DENND2D: variants seen among roughly 807,000 people sequenced by gnomAD.
The protein encoded by DENND2D is DENN domain-containing protein 2D.
A neutral mutation model predicts 59.8 loss-of-function variants in DENND2D; 37 were observed. That is an observed-to-expected ratio of 0.62 (90% CI 0.48 to 0.81). The LOEUF (loss-of-function observed/expected upper bound fraction) is 0.81, where lower values mean the gene tolerates loss of function less well. Among genes scored for constraint, DENND2D ranks in the 40% least tolerant of loss-of-function variants. DENND2D has a pLI of 0.00. For synonymous variants in DENND2D, 219 were observed against 211.3 expected, an observed-to-expected ratio of 1.04 and a Z score of -0.31; for missense variants, 525 against 579.7, an observed-to-expected ratio of 0.91 and a Z score of 0.97.
At chr1:111,197,879 C>T in intron 4 of DENND2D, 41 bp downstream of exon 4, 1 of 1,612,518 alleles carries the variant, frequency 6.2e-7, no homozygotes, top group Non-Finnish European at 8.5e-7. Context: ...TGGAGCTGAG[C>T]AGACTGCAGA....
Position 111,197,241 on chromosome 1 carries a change from C to G in DENND2D, c.439G>C (p.Gly147Arg), listed in dbSNP as rs778092406. 1.4e-5 allele frequency: 22 copies of G among 1,612,994 alleles called. No individual in the cohort carries two copies. The highest frequency in any genetic ancestry group is 2.7e-5 in the African/African-American group (2 of 74,890). ...YCRRLLPAGP[G>R]PRLPKVYCII... The stretch of plus-strand genomic sequence containing the variant: ...CAGTACACTTTGGGAAGGCGAGGGC[C>G]AGGGCCGGCAGGCTGGGGAGGGACA... The change falls in exon 5 of 12, where the codon GGC becomes CGC. Residue 147 changes from glycine (G) to arginine (R), a missense_variant. Physicochemically the swap from Gly to Arg is moderately radical, Grantham distance 125. Transcript: ENST00000357640.
intron 9 of DENND2D, 116 bp downstream of exon 9, chr1:111,189,096 A>T: frequency 8.1e-7 from 1 of 1,238,774 alleles, no homozygotes; most frequent in Admixed American, 1.9e-5. Flanking sequence ...TCTTTTTAGC[A>T]CAGATTCTCA....
At chr1:111,203,174 T>C (rs547180983), upstream of DENND2D, among the ~76,000 whole-genome samples, 4 of 152,304 alleles carry the variant, frequency 2.6e-5, no homozygotes, top group South Asian at 8.3e-4. Flanking sequence ...TGGAGATCTG[T>C]GTCTAGAGAG....
chr1:111,200,111 G>C (rs542422407), intron 1 of DENND2D: 31 of 558,668 alleles, frequency 5.5e-5, no homozygotes, highest in Non-Finnish European at 8.8e-5. Flanking sequence ...CTAACCTGTC[G>C]GGTGCTTCTG....
chr1:111,188,183 C>G lies in DENND2D; in HGVS notation c.1287G>C (p.Gln429His), dbSNP rs2101438799. Residue 429 changes from glutamine (Q) to histidine (H), a missense_variant, in exon 11 of 12, where the codon CAG (glutamine) becomes CAC (histidine). Gln to His is a conservative substitution (Grantham distance 24). This residue lies in a region of DENND2D where 225 missense variants were observed against 252.4 expected (regional missense o/e 0.89). Coordinates refer to ENST00000357640, the MANE Select transcript of DENND2D (RefSeq NM_024901.5). ...CTTCCTGGATGAAAAGTGAGAAGAG[C>G]TGTGTCTTCACAAACTTCTTCACAA... ...RRFVKKFVKTQLFSLFIQEAE... is the reference protein window; with the variant it reads ...RRFVKKFVKTHLFSLFIQEAE... The G allele has an allele frequency of 6.2e-7, 1 of 1,614,152 alleles. No homozygotes were observed. Among genetic ancestry groups the G allele is most frequent in the Non-Finnish European group, 8.5e-7 (1 of 1,180,022 alleles).
chr1:111,197,665 G>A (rs1423732196), intron 4 of DENND2D: 23 of 1,384,686 alleles, frequency 1.7e-5, no homozygotes, highest in African/African-American at 2.9e-5. Context: ...AGCAGGCAGG[G>A]AGAGGAGTTA....
chr1:111,196,056 T>A lies in DENND2D; in HGVS notation c.505A>T (p.Ile169Phe). 1 of 1,606,494 alleles carries A rather than the reference T, an allele frequency of 6.2e-7. No homozygotes were observed. Among genetic ancestry groups the A allele is most frequent in the Non-Finnish European group, 8.5e-7 (1 of 1,175,542 alleles). The change falls in exon 6 of 12, where the codon ATC (isoleucine) becomes TTC (phenylalanine). Residue 169 changes from isoleucine to phenylalanine, a missense_variant and splice_region_variant. Transcript: ENST00000357640. ...TGTCTCTTCTCCACTTCATCCAGGA[T>A]CTGCAGGGAAAAGAACCACGGGAGG... ...CIGCFGLFSK[I>F]LDEVEKRHQI...
At chr1:111,198,123 G>A in intron 3 of DENND2D, 134 bp from the exon 4 acceptor site, 1 of 779,926 alleles carries the variant, frequency 1.3e-6, no homozygotes, top group Non-Finnish European at 2.1e-6. Flanking sequence ...GCTCACTGGT[G>A]TCAGGCCCTA....
upstream of DENND2D, chr1:111,201,415 G>A (rs934227645): frequency 3.9e-5 from 6 of 152,298 alleles, no homozygotes; most frequent in African/African-American, 1.4e-4. Flanking sequence ...AGCAGCCTGA[G>A]GGTGATTCCA....
chr1:111,197,734 G>A, intron 4 of DENND2D, 186 bp downstream of exon 4: 1 of 1,426,888 alleles, frequency 7.0e-7, no homozygotes, highest in South Asian at 1.5e-5. Flanking sequence ...GGGAGAAGGG[G>A]CATCAGGTCC....
chr1:111,204,396 C>T, upstream of DENND2D: 1 of 1,354,800 alleles, frequency 7.4e-7, no homozygotes. Context: ...TCCGCGCTGG[C>T]CCCGCCCCCC....
At chr1:111,189,180 G>A (rs774679467) in intron 9 of DENND2D, 32 bp downstream of exon 9, 1 of 1,612,900 alleles carries the variant, frequency 6.2e-7, no homozygotes, top group Non-Finnish European at 8.5e-7. Flanking sequence ...GTTGTTGATA[G>A]GCCTGCAGGG....
chr1:111,188,900 G>T, intron 9 of DENND2D, 114 bp from the exon 10 acceptor site: 1 of 893,116 alleles, frequency 1.1e-6, no homozygotes, highest in Non-Finnish European at 1.8e-6. Flanking sequence ...CCCGCAAATA[G>T]CCACATAGGA....
chr1:111,187,775 C>T lies in DENND2D; in HGVS notation c.1340-94G>A, dbSNP rs557414824. On this transcript the variant is annotated intron_variant, in intron 11 of 11. Transcript: ENST00000357640. ...AAGGATCAGAAATATCCTGTCTGCT[C>T]CCCATACTGCCATCCCTGCCAGGAT... is the stretch of plus-strand genomic sequence containing the variant. 29 of 985,336 alleles carry T rather than the reference C, an allele frequency of 2.9e-5. No individual in the cohort carries two copies. The African/African-American group carries it at 3.2e-4, about 11-fold the overall frequency. The allele number at this position is 985,336 out of a possible 1,614,324, so 61.0% of individuals were successfully genotyped here.
In DENND2D at chr1:111,188,259, AAG is replaced by A; in HGVS notation, c.1209_1210del (p.Phe404ProfsTer7). 6.2e-7 allele frequency: 1 copy of A among 1,614,088 alleles called. No homozygotes were observed. Among genetic ancestry groups the A allele is most frequent in the Non-Finnish European group, 8.5e-7 (1 of 1,180,042 alleles). On this transcript the variant is annotated frameshift_variant, in exon 11 of 12. Transcript: ENST00000357640. LOFTEE classifies it high-confidence loss of function. ...AGCCTTACAGAAGGATCTTTCTTGG[AAG>A]TGGCCTTGCCCATTTGCCTCCCGCT... is the stretch of plus-strand genomic sequence containing the variant.
At chr1:111,188,603 A>T in intron 10 of DENND2D, 99 bp downstream of exon 10, 1 of 1,268,932 alleles carries the variant, frequency 7.9e-7, no homozygotes. Context: ...GGGCTGGTCT[A>T]GGACTACTGA....
upstream of DENND2D, chr1:111,204,264 G>GT: frequency 6.9e-7 from 1 of 1,456,934 alleles, no homozygotes; most frequent in African/African-American, 1.5e-5. Context: ...TGCCCACGCC[G>GT]TCCCCCCGCG....
At chr1:111,203,678 G>T (rs1659020652), upstream of DENND2D, among the ~76,000 whole-genome samples, 1 of 152,252 alleles carries the variant, frequency 6.6e-6, no homozygotes, top group Admixed American at 6.5e-5. Context: ...AAGGGAAGGG[G>T]TGCCCTGTCT....
intron 5 of DENND2D, 67 bp downstream of exon 5, chr1:111,197,109 C>T (rs1658304849): frequency 6.5e-6 from 10 of 1,538,490 alleles, no homozygotes; most frequent in South Asian, 1.2e-5. Flanking sequence ...AGCTTAGTTG[C>T]ACAGGCAGGG....
Sources: gnomAD v4.1 joint callset for allele counts (sites outside exome capture counted in the v4.1 genomes callset) on GRCh38, gnomAD v4.1.1 for gene constraint, gnomAD v4.1.1 regional missense constraint, MANE v1.5 for transcripts, NCBI Gene and HGNC (gene_info 2026-07-23, HGNC 2026-07-21) for gene names.